TEX26: variants seen among roughly 807,000 people sequenced by gnomAD.
TEX26 encodes testis expressed 26, also known as testis-expressed protein 26.
In TEX26, 34 loss-of-function variants were observed where a neutral mutation model predicts 35.3. The observed-to-expected ratio is 0.96, with a 90% CI of 0.73 to 1.28. The LOEUF (loss-of-function observed/expected upper bound fraction) is 1.28, where lower values mean the gene tolerates loss of function less well. Ranked by LOEUF, TEX26 falls within the 50% of genes most tolerant of loss-of-function variation. The pLI, the probability that TEX26 is intolerant of heterozygous loss-of-function variation, is 0.00. For synonymous variants in TEX26, 136 were observed against 111.8 expected (o/e 1.22, Z -1.36); for missense variants, 371 against 330.1 (o/e 1.12, Z -0.96).
At position 30,952,739 on chromosome 13, in the gene TEX26, T is replaced by C; in HGVS notation, c.226T>C (p.Tyr76His). Residue 76 changes from tyrosine to histidine, a missense_variant, in exon 3 of 7, where the codon TAC becomes CAC. Transcript: ENST00000380473. ...ILNQTQYSDE[Y>H]TWKSHSKEDL... ...CAATCAGACACAATATAGTGATGAG[T>C]ACACTTGGAAATCACACTCTAAAGA... The C allele has an allele frequency of 1.9e-6, 3 of 1,612,912 alleles. No homozygotes were observed. The highest frequency in any genetic ancestry group is 2.5e-6 in the Non-Finnish European group (3 of 1,179,302).
intron 2 of TEX26, among the ~76,000 whole-genome samples, chr13:30,950,969 G>T (rs1424825224): frequency 6.6e-6 from 1 of 152,230 alleles, no homozygotes; most frequent in East Asian, 1.9e-4. Context: ...TTTGTTCTCA[G>T]GTGGATATGT....
intron 1 of TEX26, among the ~76,000 whole-genome samples, chr13:30,939,427 T>C (rs1429878361): frequency 6.6e-6 from 1 of 152,230 alleles, no homozygotes; most frequent in East Asian, 1.9e-4. Flanking sequence ...CCTCTTTATA[T>C]TTTTATGTCT....
intron 4 of TEX26, among the ~76,000 whole-genome samples, chr13:30,964,140 C>A (rs1954445665): frequency 6.6e-6 from 1 of 152,198 alleles, no homozygotes. Flanking sequence ...TCCAACACAG[C>A]CCCTCATACT....
intron 1 of TEX26, among the ~76,000 whole-genome samples, chr13:30,934,444 T>C (rs895007358): frequency 1.3e-5 from 2 of 152,230 alleles, no homozygotes; most frequent in African/African-American, 4.8e-5. Context: ...ATTAGTTTCC[T>C]GTGGCTGCTA....
intron 4 of TEX26, among the ~76,000 whole-genome samples, chr13:30,962,600 G>T (rs375350982): frequency 6.6e-6 from 1 of 152,120 alleles, no homozygotes; most frequent in African/African-American, 2.4e-5. Flanking sequence ...TTATGATATT[G>T]TAATAATCTA....
At chr13:30,967,428 T>C (rs546564713) in intron 5 of TEX26, among the ~76,000 whole-genome samples, 2 of 152,308 alleles carry the variant, frequency 1.3e-5, no homozygotes, top group South Asian at 4.1e-4. Flanking sequence ...TCCAACTGTG[T>C]AGAAGTTGTA....
chr13:30,937,273 C>CG (rs1388533920), intron 1 of TEX26, among the ~76,000 whole-genome samples: 4 of 152,118 alleles, frequency 2.6e-5, no homozygotes, highest in African/African-American at 9.7e-5. Flanking sequence ...CCTAGATGGG[C>CG]GGGAACACAG....
At chr13:30,971,132 C>T (rs1490061758) in intron 6 of TEX26, among the ~76,000 whole-genome samples, 2 of 152,196 alleles carry the variant, frequency 1.3e-5, no homozygotes, top group African/African-American at 4.8e-5. Context: ...ATGGCCCACT[C>T]ATCAATGCCA....
At chr13:30,937,562 A>G (rs769266932) in intron 1 of TEX26, among the ~76,000 whole-genome samples, 11 of 152,180 alleles carry the variant, frequency 7.2e-5, no homozygotes, top group Admixed American at 5.2e-4. Context: ...ACTTGTTCAT[A>G]CTTGTAATTC....
At chr13:30,943,034 T>C (rs1953571370) in intron 2 of TEX26, among the ~76,000 whole-genome samples, 2 of 152,142 alleles carry the variant, frequency 1.3e-5, no homozygotes, top group Non-Finnish European at 1.5e-5. Context: ...AAAATGATGT[T>C]GGTATTTTGA....
chr13:30,971,014 G>A (rs1270367436), intron 6 of TEX26, among the ~76,000 whole-genome samples: 1 of 152,222 alleles, frequency 6.6e-6, no homozygotes, highest in African/African-American at 2.4e-5. Flanking sequence ...CCAGGGGCAG[G>A]TGCCTGAAGG....
intron 6 of TEX26, among the ~76,000 whole-genome samples, chr13:30,972,177 C>T (rs1954735002): frequency 6.6e-6 from 1 of 152,132 alleles, no homozygotes; most frequent in Non-Finnish European, 1.5e-5. Context: ...GGAAAGCCTG[C>T]CTGGAGGAGG....
intron 4 of TEX26, among the ~76,000 whole-genome samples, chr13:30,963,211 G>A (rs1334084179): frequency 1.3e-5 from 2 of 152,034 alleles, no homozygotes; most frequent in Non-Finnish European, 1.5e-5. Flanking sequence ...AATCTTAAAT[G>A]GGCCAGTTTC....
At chr13:30,972,868 C>T (rs1003501958) in intron 6 of TEX26, among the ~76,000 whole-genome samples, 1 of 152,248 alleles carries the variant, frequency 6.6e-6, no homozygotes, top group African/African-American at 2.4e-5. Flanking sequence ...AACTCCTGGC[C>T]TCAAGTGATC....
chr13:30,942,883 T>C (rs1406556902), intron 2 of TEX26, among the ~76,000 whole-genome samples: 1 of 151,962 alleles, frequency 6.6e-6, no homozygotes, highest in African/African-American at 2.4e-5. Flanking sequence ...GCTCTTTTGG[T>C]AACTATAGCC....
At position 30,937,063 on chromosome 13, in the gene TEX26, A is replaced by G. The variant is rs192486854; in HGVS notation, c.62-2631A>G. ...TTAAAGGAAGATGTACCAAAGATCA[A>G]GTGTGCATCCAAGCAGGTTAGGATT... On this transcript the variant is annotated intron_variant, in intron 1 of 6. Transcript: ENST00000380473. The G allele has an allele frequency of 7.8e-6, 7 of 898,968 alleles. No homozygotes were observed. In the East Asian group the frequency reaches 6.0e-4, roughly 77 times the overall value. The allele number at this position is 898,968 out of a possible 1,614,324, so 55.7% of individuals were successfully genotyped here. A position where few individuals can be genotyped will look rare whatever the true frequency, so the allele number is the denominator to read the frequency against.
In TEX26 at chr13:30,942,595, A is replaced by G. The variant is rs549955911; in HGVS notation, c.146+2817A>G. On this transcript the variant is annotated intron_variant, in intron 2 of 6. Coordinates refer to ENST00000380473, the MANE Select transcript of TEX26 (RefSeq NM_152325.3). ...AATCATGAATTATTTGCCTAGGCCAATGTCCAGAAGAGTTTTTCCTAAGTT... is the reference window on the plus strand; with the variant it reads ...AATCATGAATTATTTGCCTAGGCCAGTGTCCAGAAGAGTTTTTCCTAAGTT... Among the ~76,000 whole-genome samples the G allele has an allele frequency of 4.5e-4, 69 of 152,238 alleles. No individual in the cohort carries two copies. The Middle Eastern group carries it at 0.01, about 23-fold the overall frequency.
intron 2 of TEX26, among the ~76,000 whole-genome samples, chr13:30,952,257 A>G (rs1953955580): frequency 6.6e-6 from 1 of 151,874 alleles, no homozygotes; most frequent in African/African-American, 2.4e-5. Context: ...TCATTATTTC[A>G]TTATGGGCTT....
chr13:30,947,837 C>T (rs1322879242), intron 2 of TEX26, among the ~76,000 whole-genome samples: 1 of 152,000 alleles, frequency 6.6e-6, no homozygotes, highest in African/African-American at 2.4e-5. Flanking sequence ...GTGCTGCACC[C>T]ATTAACTCGT....
Sources: gnomAD v4.1 joint callset for allele counts (sites outside exome capture counted in the v4.1 genomes callset) on GRCh38, gnomAD v4.1.1 for gene constraint, MANE v1.5 for transcripts, NCBI Gene and HGNC (gene_info 2026-07-23, HGNC 2026-07-21) for gene names.